Variants in ITK observed in about 807,000 individuals in gnomAD.
ITK encodes tyrosine-protein kinase ITK/TSK.
A neutral mutation model predicts 87.6 loss-of-function variants in ITK; 45 were observed. The ratio of observed to expected loss-of-function variants is 0.51; its 90% CI spans 0.40 to 0.66. The LOEUF (loss-of-function observed/expected upper bound fraction) is 0.66. Among genes scored for constraint, ITK ranks in the 30% least tolerant of loss-of-function variants. The probability of loss-of-function intolerance (pLI) is 0.00; values close to 1 mark genes in which losing one functional copy is unlikely to be tolerated. For synonymous variants in ITK, 303 were observed against 273.6 expected, an observed-to-expected ratio of 1.11 and a Z score of -1.06; for missense variants, 605 against 766.3, an observed-to-expected ratio of 0.79 and a Z score of 2.48.
In ITK at chr5:157,180,987, T is replaced by C. The variant is rs1393178996; in HGVS notation, c.10T>C (p.Phe4Leu). ...TTTCAAGAACTGGATCATGAACAAC[T>C]TTATCCTCCTGGAAGAACAGCTCAT... MNN[F>L]ILLEEQLIKK... Residue 4 changes from phenylalanine (F) to leucine (L), a missense_variant, in exon 1 of 17, where the codon TTT becomes CTT. Phe to Leu is a conservative substitution (Grantham distance 22). This residue lies in a region of ITK where 464 missense variants were observed against 578.0 expected (regional missense o/e 0.80). Transcript: ENST00000422843. 6 of 1,613,906 alleles carry C rather than the reference T, an allele frequency of 3.7e-6. No homozygotes were observed. In the Admixed American group the frequency reaches 1.0e-4, roughly 27 times the overall value.
chr5:157,230,325 T>A (rs1754624471), intron 7 of ITK, among the ~76,000 whole-genome samples: 1 of 152,326 alleles, frequency 6.6e-6, no homozygotes. Context: ...TTTCTGTAAG[T>A]TTGAAATTAT....
At chr5:157,206,626 T>C (rs1754084257) in intron 1 of ITK, among the ~76,000 whole-genome samples, 1 of 152,162 alleles carries the variant, frequency 6.6e-6, no homozygotes, top group African/African-American at 2.4e-5. Context: ...AGGGTGTATG[T>C]TGTCCAGGAA....
chr5:157,215,284 T>C (rs1357560737), intron 4 of ITK, among the ~76,000 whole-genome samples: 1 of 152,198 alleles, frequency 6.6e-6, no homozygotes, highest in Non-Finnish European at 1.5e-5. Context: ...CCCTTTCTCA[T>C]TTATTCTTTT....
chr5:157,237,363 C>G (rs1016754488), intron 8 of ITK, among the ~76,000 whole-genome samples: 4 of 152,152 alleles, frequency 2.6e-5, no homozygotes, highest in Non-Finnish European at 5.9e-5. Context: ...TAACAATAGA[C>G]AGTGGGGACT....
chr5:157,228,403 A>C (rs777880849), intron 7 of ITK, 42 bp downstream of exon 7: 1 of 1,135,024 alleles, frequency 8.8e-7, no homozygotes, highest in Non-Finnish European at 1.3e-6. Context: ...AGTCCTAAGG[A>C]ATCCTCCTTA....
At chr5:157,208,432 G>A (rs1487414592) in intron 1 of ITK, among the ~76,000 whole-genome samples, 1 of 152,008 alleles carries the variant, frequency 6.6e-6, no homozygotes, top group African/African-American at 2.4e-5. Context: ...TAAAGGACAT[G>A]GAGAAGCCAG....
chr5:157,195,721 T>G (rs1753842264), intron 1 of ITK: 1 of 152,230 alleles, frequency 6.6e-6, no homozygotes, highest in Admixed American at 6.5e-5. Flanking sequence ...AGTAACATAC[T>G]CTGCACACAC....
chr5:157,202,294 A>G (rs1318669141), intron 1 of ITK, among the ~76,000 whole-genome samples: 1 of 151,936 alleles, frequency 6.6e-6, no homozygotes, highest in Admixed American at 6.6e-5. Context: ...GCTCACTGAA[A>G]CCTCTGCCTC....
intron 1 of ITK, among the ~76,000 whole-genome samples, chr5:157,205,591 T>C (rs1020652546): frequency 2.0e-5 from 3 of 152,172 alleles, no homozygotes; most frequent in African/African-American, 7.2e-5. Context: ...AATATACATA[T>C]TTTTGCAAAC....
intron 11 of ITK, among the ~76,000 whole-genome samples, chr5:157,242,698 A>T (rs1393088425): frequency 6.6e-6 from 1 of 152,198 alleles, no homozygotes; most frequent in Non-Finnish European, 1.5e-5. Context: ...GGCTCAGGCA[A>T]TCCTCCTGCC....
chr5:157,226,049 T>C (rs534591062), intron 6 of ITK, among the ~76,000 whole-genome samples: 1 of 152,326 alleles, frequency 6.6e-6, no homozygotes, highest in Admixed American at 6.5e-5. Flanking sequence ...TAGTGTGGTA[T>C]AGTGGAAAGC....
At chr5:157,208,038 A>G (rs1357057711) in intron 1 of ITK, among the ~76,000 whole-genome samples, 2 of 152,162 alleles carry the variant, frequency 1.3e-5, no homozygotes, top group African/African-American at 2.4e-5. Context: ...GCTGAATTCC[A>G]TAGCTGAATT....
intron 9 of ITK, among the ~76,000 whole-genome samples, chr5:157,238,555 T>C (rs1330243279): frequency 6.6e-6 from 1 of 152,260 alleles, no homozygotes; most frequent in African/African-American, 2.4e-5. Context: ...GTTCTGGCTC[T>C]GCTCATAAAA....
At chr5:157,204,247 C>T (rs147059577) in intron 1 of ITK, among the ~76,000 whole-genome samples, 1,659 of 152,312 alleles carry the variant, frequency 0.011, 11 homozygotes, top group Non-Finnish European at 0.019. Flanking sequence ...CTCAAATGAC[C>T]TCCTACCTCA....
chr5:157,180,924 T>C lies in ITK; in HGVS notation c.-54T>C, dbSNP rs1157992402. The stretch of plus-strand genomic sequence containing the variant: ...ATTCTTTGCCCCAAAACTCTTTCCT[T>C]TGGTTGTGCTAAGAGGTGATGCCCA... On this transcript the variant is annotated 5_prime_UTR_variant, in exon 1 of 17. Transcript: ENST00000422843. 6.3e-7 allele frequency: 1 copy of C among 1,595,522 alleles called. No individual in the cohort carries two copies.
At chr5:157,201,300 C>T (rs1309207224) in intron 1 of ITK, among the ~76,000 whole-genome samples, 1 of 128,532 alleles carries the variant, frequency 7.8e-6, no homozygotes. Context: ...TAAATTTCCA[C>T]TTTTTTTTTT....
At chr5:157,233,928 G>GAAACATATATATATAT (rs1754708729) in intron 8 of ITK, among the ~76,000 whole-genome samples, 1 of 45,544 alleles carries the variant, frequency 2.2e-5, no homozygotes, top group African/African-American at 7.4e-5. Context: ...CCTCCTTACT[G>GAAACATATATATATAT]ATACATATAT....
intron 8 of ITK, among the ~76,000 whole-genome samples, chr5:157,236,238 G>T (rs999196555): frequency 4.6e-5 from 7 of 152,128 alleles, no homozygotes; most frequent in Non-Finnish European, 2.9e-5. Flanking sequence ...AGCCAGGCGT[G>T]GTGGCGGGCA....
intron 6 of ITK, among the ~76,000 whole-genome samples, chr5:157,225,696 G>T (rs896923608): frequency 5.3e-5 from 8 of 152,208 alleles, no homozygotes; most frequent in Admixed American, 4.6e-4. Context: ...CCCTCGTCTG[G>T]AACCTCCCTT....
Sources: allele counts gnomAD v4.1 joint callset (sites outside exome capture counted in the v4.1 genomes callset), GRCh38; gene constraint gnomAD v4.1.1; regional missense constraint gnomAD v4.1.1; transcripts MANE v1.5; gene names NCBI Gene and HGNC (gene_info 2026-07-23, HGNC 2026-07-21).